TACC2: variants seen among roughly 807,000 people sequenced by gnomAD.
TACC2 encodes the protein transforming acidic coiled-coil containing protein 2.
In TACC2, 137 loss-of-function variants were observed where a neutral mutation model predicts 227.3. The ratio of observed to expected loss-of-function variants is 0.60; its 90% confidence interval spans 0.52 to 0.69. The LOEUF (loss-of-function observed/expected upper bound fraction) is 0.69. Among genes scored for constraint, TACC2 ranks in the 30% least tolerant of loss-of-function variants. The pLI is 0.00. For synonymous variants in TACC2, 1,523 were observed against 1,487.5 expected, an observed-to-expected ratio of 1.02 and a Z score of -0.55; for missense variants, 3,470 against 3,694.4, an observed-to-expected ratio of 0.94 and a Z score of 1.57.
At chr10:122,002,820 C>T (rs1954570552) in intron 1 of TACC2, among the ~76,000 whole-genome samples, 1 of 152,042 alleles carries the variant, frequency 6.6e-6, no homozygotes, top group African/African-American at 2.4e-5. Flanking sequence ...TGGTTATTTC[C>T]CTCTTGTAAT....
chr10:122,086,385 GCAAC>G lies in TACC2; in HGVS notation c.3888_3891del (p.Pro1297GlufsTer155). On this transcript the variant is annotated frameshift_variant, in exon 4 of 23. Transcript: ENST00000369005. LOFTEE classifies it high-confidence loss of function. ...TTGCTGGCTCCCTCGCCCCCCTGTT[GCAAC>G]CAGGAGCTGCAGGTGGGGAAATCCC... 1 of 1,613,652 alleles carries G rather than the reference GCAAC, an allele frequency of 6.2e-7. No homozygotes were observed. The highest frequency in any genetic ancestry group is 8.5e-7 in the Non-Finnish European group (1 of 1,180,022).
rs112345354 is a variant in TACC2 at position 122,008,575 on chromosome 10, A to T, written c.-45-13362A>T. On this transcript the variant is annotated intron_variant, in intron 1 of 22. Coordinates refer to ENST00000369005, the MANE Select transcript of TACC2 (RefSeq NM_206862.4). ...GCGCCCAGCACTATTATTATTTTTT[A>T]ACCTTTATTATTTTTGAGATGGAGT... Among the ~76,000 whole-genome samples the T allele has an allele frequency of 9.1e-4, 136 of 149,008 alleles. 1 individual carries two copies. The highest frequency in any genetic ancestry group is 3.2e-3 in the African/African-American group (127 of 40,276).
At chr10:122,223,363 C>T (rs995269058) in intron 11 of TACC2, among the ~76,000 whole-genome samples, 1 of 152,030 alleles carries the variant, frequency 6.6e-6, no homozygotes, top group African/African-American at 2.4e-5. Context: ...GGTGAGGAGG[C>T]GATTAAGACT....
intron 1 of TACC2, among the ~76,000 whole-genome samples, chr10:122,002,939 A>G (rs750660841): frequency 5.9e-5 from 9 of 152,144 alleles, no homozygotes; most frequent in Non-Finnish European, 1.0e-4. Context: ...ATGGTGGCTC[A>G]CACCTGTAAT....
chr10:122,076,369 AC>A (rs1199962313), intron 3 of TACC2, among the ~76,000 whole-genome samples: 1 of 152,150 alleles, frequency 6.6e-6, no homozygotes, highest in Non-Finnish European at 1.5e-5. Context: ...CCACCTTTCA[AC>A]ATGATTAAGT....
intron 7 of TACC2, among the ~76,000 whole-genome samples, chr10:122,164,351 T>A (rs568495822): frequency 6.6e-6 from 1 of 151,810 alleles, no homozygotes; most frequent in African/African-American, 2.4e-5. Flanking sequence ...GAAGAACCCA[T>A]GAGCGTGGCA....
chr10:122,174,842 T>C (rs940576007), intron 7 of TACC2, among the ~76,000 whole-genome samples: 2 of 152,202 alleles, frequency 1.3e-5, no homozygotes, highest in Non-Finnish European at 2.9e-5. Context: ...TTTTGTGCCT[T>C]TGACCAACAT....
At chr10:122,206,091 C>A (rs911779) in intron 8 of TACC2, among the ~76,000 whole-genome samples, 1 of 136,708 alleles carries the variant, frequency 7.3e-6, no homozygotes, top group African/African-American at 2.9e-5. Flanking sequence ...CACTGGGGGG[C>A]GGGGGGAAAG....
At chr10:122,244,353 C>T (rs928463247) in intron 19 of TACC2, among the ~76,000 whole-genome samples, 10 of 152,196 alleles carry the variant, frequency 6.6e-5, no homozygotes, top group African/African-American at 1.9e-4. Flanking sequence ...ACTGTGTGTC[C>T]GTTCCCCGAT....
intron 19 of TACC2, among the ~76,000 whole-genome samples, chr10:122,243,208 T>C (rs2096042689): frequency 6.6e-6 from 1 of 152,328 alleles, no homozygotes; most frequent in South Asian, 2.1e-4. Context: ...CCTCCCAAGG[T>C]GCTGGGATTG....
intron 5 of TACC2, among the ~76,000 whole-genome samples, chr10:122,092,955 G>A (rs1407079038): frequency 6.6e-6 from 1 of 152,184 alleles, no homozygotes; most frequent in South Asian, 2.1e-4. Flanking sequence ...TATCTTCCCT[G>A]TTAGTGGAAG....
At chr10:122,105,903 G>A (rs541270418) in intron 5 of TACC2, among the ~76,000 whole-genome samples, 80 of 151,620 alleles carry the variant, frequency 5.3e-4, no homozygotes, top group African/African-American at 1.7e-3. Context: ...GATTACAGGC[G>A]TGAGCCACTG....
intron 1 of TACC2, among the ~76,000 whole-genome samples, chr10:122,011,795 A>G (rs561849201): frequency 5.4e-4 from 83 of 152,298 alleles, no homozygotes; most frequent in African/African-American, 1.9e-3. Context: ...TCACTTTACT[A>G]TTCCTTTAAT....
intron 1 of TACC2, among the ~76,000 whole-genome samples, chr10:122,001,550 T>C (rs1296214853): frequency 6.6e-6 from 1 of 152,250 alleles, no homozygotes; most frequent in African/African-American, 2.4e-5. Flanking sequence ...CACCATATCA[T>C]GTCTCTAAAA....
chr10:122,243,916 C>T (rs202156139), intron 19 of TACC2, among the ~76,000 whole-genome samples: 21 of 152,226 alleles, frequency 1.4e-4, no homozygotes, highest in African/African-American at 5.1e-4. Context: ...TTTTATTGCT[C>T]AGCTGGCGAA....
chr10:122,013,629 G>A (rs978893795), intron 1 of TACC2, among the ~76,000 whole-genome samples: 5 of 152,184 alleles, frequency 3.3e-5, no homozygotes, highest in South Asian at 2.1e-4. Context: ...GCTCCCCCTC[G>A]ATGAGCAAAC....
chr10:122,098,951 C>A (rs1258920679), intron 5 of TACC2, among the ~76,000 whole-genome samples: 1 of 152,176 alleles, frequency 6.6e-6, no homozygotes, highest in African/African-American at 2.4e-5. Context: ...CATTCCCTTC[C>A]TTGTGGAATC....
At chr10:122,098,119 C>T (rs906481488) in intron 5 of TACC2, among the ~76,000 whole-genome samples, 3 of 152,126 alleles carry the variant, frequency 2.0e-5, no homozygotes, top group African/African-American at 4.8e-5. Flanking sequence ...CCAGCACACA[C>T]GTGAGGAGTC....
At chr10:122,123,806 G>A (rs2086292687) in intron 5 of TACC2, among the ~76,000 whole-genome samples, 1 of 136,176 alleles carries the variant, frequency 7.3e-6, no homozygotes, top group African/African-American at 2.6e-5. Context: ...TTGCTGTAGA[G>A]TCATTTTTTT....
Sources: gnomAD v4.1 joint callset for allele counts (sites outside exome capture counted in the v4.1 genomes callset) on GRCh38, gnomAD v4.1.1 for gene constraint, MANE v1.5 for transcripts, NCBI Gene and HGNC (gene_info 2026-07-23, HGNC 2026-07-21) for gene names.